SLC15A1: variants seen among roughly 807,000 people sequenced by gnomAD.
SLC15A1 encodes Caco-2 oligopeptide transporter.
A neutral mutation model predicts 92.9 loss-of-function variants in SLC15A1; 83 were observed. The observed-to-expected ratio is 0.89, with a 90% CI of 0.75 to 1.07. The LOEUF is 1.07. Among genes scored for constraint, SLC15A1 ranks in the 50% least tolerant of loss-of-function variants. The probability of loss-of-function intolerance (pLI) is 0.00; values close to 1 mark genes in which losing one functional copy is unlikely to be tolerated. For missense variants in SLC15A1, 857 were observed against 880.1 expected, an observed-to-expected ratio of 0.97 and a Z score of 0.33; for synonymous variants, 322 against 318.2, an observed-to-expected ratio of 1.01 and a Z score of -0.13.
intron 7 of SLC15A1, among the ~76,000 whole-genome samples, 172 bp from the exon 8 acceptor site, chr13:98,719,492 G>A (rs2088237273): frequency 6.6e-6 from 1 of 152,236 alleles, no homozygotes; most frequent in Non-Finnish European, 1.5e-5. Flanking sequence ...AGTGAAGCAG[G>A]AGGAGCAGGA....
chr13:98,704,542 T>C, intron 16 of SLC15A1, 107 bp from the exon 17 acceptor site: 5 of 1,191,852 alleles, frequency 4.2e-6, no homozygotes, highest in Non-Finnish European at 4.7e-6. Flanking sequence ...CAGGTTCATG[T>C]TCATAGATAC....
chr13:98,712,519 G>A lies in SLC15A1; in HGVS notation c.789C>T (p.Asp263=). The change falls in exon 10 of 23, where the codon GAC becomes GAT. Residue 263 remains aspartate, a synonymous_variant. Coordinates refer to ENST00000376503, the MANE Select transcript of SLC15A1 (RefSeq NM_005073.4). ...TTACATCGTATTTCTCTTTAGCCCAGTCCAGCCAGTGCTCCCTCTTGGGAA... is the reference window on the plus strand; with the variant it reads ...TTACATCGTATTTCTCTTTAGCCCAATCCAGCCAGTGCTCCCTCTTGGGAA... ...KAFPKREHWL[D]WAKEKYDERL... 1 of 1,611,998 alleles carries A rather than the reference G, an allele frequency of 6.2e-7. No individual in the cohort carries two copies. Among genetic ancestry groups the A allele is most frequent in the African/African-American group, 1.3e-5 (1 of 74,984 alleles).
chr13:98,723,781 C>T, intron 5 of SLC15A1, 131 bp downstream of exon 5: 2 of 1,262,008 alleles, frequency 1.6e-6, no homozygotes, highest in Non-Finnish European at 2.2e-6. Context: ...ACAGCCTTCT[C>T]CATGCTGCCC....
intron 9 of SLC15A1, among the ~76,000 whole-genome samples, chr13:98,714,653 C>CAAAAA (rs11378347): frequency 2.7e-4 from 25 of 94,042 alleles, no homozygotes; most frequent in Non-Finnish European, 3.1e-4. Flanking sequence ...GACTCCATCT[C>CAAAAA]AAAAAAAAAA....
intron 3 of SLC15A1, 30 bp downstream of exon 3, chr13:98,726,338 T>C (rs2139596106): frequency 6.2e-7 from 1 of 1,614,082 alleles, no homozygotes; most frequent in African/African-American, 1.3e-5. Flanking sequence ...CGCTCTTCCC[T>C]GAAGGGTGAG....
At chr13:98,688,802 T>C (rs545885001) in intron 18 of SLC15A1, among the ~76,000 whole-genome samples, 4 of 152,360 alleles carry the variant, frequency 2.6e-5, no homozygotes, top group South Asian at 4.1e-4. Flanking sequence ...AGTGTTTATA[T>C]GTGCTGGTTA....
intron 11 of SLC15A1, among the ~76,000 whole-genome samples, chr13:98,711,234 A>G (rs767604314): frequency 1.1e-4 from 16 of 152,180 alleles, no homozygotes; most frequent in Non-Finnish European, 1.9e-4. Context: ...ACCAGGATTG[A>G]TCTTTAAAAA....
At chr13:98,685,440 G>C (rs542936313) in intron 22 of SLC15A1, among the ~76,000 whole-genome samples, 1 of 152,218 alleles carries the variant, frequency 6.6e-6, no homozygotes, top group Non-Finnish European at 1.5e-5. Context: ...AGTGCAGAAG[G>C]AAAGAGTGTA....
chr13:98,737,426 G>A (rs1165192649), intron 1 of SLC15A1, among the ~76,000 whole-genome samples: 1 of 152,074 alleles, frequency 6.6e-6, no homozygotes, highest in Non-Finnish European at 1.5e-5. Flanking sequence ...AAACCAACAT[G>A]GCACATGTAT....
rs1349960578 is a variant in SLC15A1 at position 98,721,804 on chromosome 13, C to T, written c.465G>A (p.Gln155=). The T allele has an allele frequency of 1.2e-6, 2 of 1,613,932 alleles. No individual in the cohort carries two copies. The highest frequency in any genetic ancestry group is 8.5e-7 in the Non-Finnish European group (1 of 1,179,854). Residue 155 remains glutamine (Q), a splice_region_variant and synonymous_variant, in exon 6 of 23, where the codon CAG becomes CAA. Transcript: ENST00000376503. ...GCTCTGGGGAGGCCCCTACCCTTACCTGGCCCTCTTCAAACTGATCTCCAC... is the reference window on the plus strand; with the variant it reads ...GCTCTGGGGAGGCCCCTACCCTTACTTGGCCCTCTTCAAACTGATCTCCAC... The part of the protein sequence containing the change: ...AFGGDQFEEG[Q]EKQRNRFFSI...
At chr13:98,711,666 GT>G (rs1177300235) in intron 11 of SLC15A1, among the ~76,000 whole-genome samples, 187 bp downstream of exon 11, 1 of 27,580 alleles carries the variant, frequency 3.6e-5, no homozygotes, top group African/African-American at 1.4e-4. Context: ...ATTGCTTTTG[GT>G]TTTGTTTTGT....
chr13:98,709,930 T>C lies in SLC15A1; in HGVS notation c.901-19A>G. The C allele has an allele frequency of 6.2e-7, 1 of 1,613,712 alleles. No homozygotes were observed. Among genetic ancestry groups the C allele is most frequent in the Non-Finnish European group, 8.5e-7 (1 of 1,179,602 alleles). ...TGGAGCCCTTAAAAATGAATACATT[T>C]GCTGTATTATTTGGGGATGTGGGTT... On this transcript the variant is annotated intron_variant, in intron 11 of 22. Coordinates refer to ENST00000376503, the MANE Select transcript of SLC15A1 (RefSeq NM_005073.4).
At chr13:98,722,321 A>C (rs2088267376) in intron 5 of SLC15A1, among the ~76,000 whole-genome samples, 1 of 152,246 alleles carries the variant, frequency 6.6e-6, no homozygotes, top group African/African-American at 2.4e-5. Context: ...GCAAAGCGGA[A>C]TATCAGGTTA....
At chr13:98,749,979 A>G (rs557918767) in intron 1 of SLC15A1, among the ~76,000 whole-genome samples, 1 of 152,218 alleles carries the variant, frequency 6.6e-6, no homozygotes, top group East Asian at 1.9e-4. Context: ...CCTGGCCCCC[A>G]GGACCCGAAG....
intron 20 of SLC15A1, 106 bp downstream of exon 20, chr13:98,688,142 T>A (rs1277703450): frequency 4.0e-6 from 3 of 744,550 alleles, no homozygotes; most frequent in Middle Eastern, 3.7e-4. Flanking sequence ...AAAATACAGA[T>A]CCTAATATCA....
intron 5 of SLC15A1, 77 bp from the exon 6 acceptor site, chr13:98,721,980 C>T (rs2139592458): frequency 8.1e-7 from 1 of 1,228,202 alleles, no homozygotes; most frequent in East Asian, 2.4e-5. Flanking sequence ...CAGTTTCCCT[C>T]AGTGGGCCTG....
At position 98,684,886 on chromosome 13, in the gene SLC15A1, C is replaced by A; in HGVS notation, c.1965G>T (p.Leu655Phe). Reference sequence around the variant, plus strand: ...CAAAAATTACACAGACGACCAGAAGCAACGCGGCAAATAGAATGTACTCGG... The same window carrying A: ...CAAAAATTACACAGACGACCAGAAGAAACGCGGCAAATAGAATGTACTCGG... ...QWAEYILFAA[L>F]LLVVCVIFAI... The change falls in exon 23 of 23, where the codon TTG (leucine) becomes TTT (phenylalanine). Residue 655 changes from leucine (L) to phenylalanine (F), a missense_variant. Leu to Phe is a conservative substitution (Grantham distance 22). Coordinates refer to ENST00000376503, the MANE Select transcript of SLC15A1 (RefSeq NM_005073.4). The A allele has an allele frequency of 6.2e-7, 1 of 1,613,732 alleles. No homozygotes were observed. Among genetic ancestry groups the A allele is most frequent in the Non-Finnish European group, 8.5e-7 (1 of 1,179,776 alleles).
chr13:98,716,002 C>A (rs544212433), intron 8 of SLC15A1, 42 bp from the exon 9 acceptor site: 52 of 1,551,930 alleles, frequency 3.4e-5, no homozygotes, highest in Middle Eastern at 3.4e-4. Flanking sequence ...AGCATGTGAC[C>A]GAGCGCCCTG....
chr13:98,745,030 AC>A (rs1215070704), intron 1 of SLC15A1, among the ~76,000 whole-genome samples: 1 of 152,218 alleles, frequency 6.6e-6, no homozygotes, highest in African/African-American at 2.4e-5. Flanking sequence ...AAAGTGAAAC[AC>A]TGCACATGAA....
Sources: gnomAD v4.1 joint callset for allele counts (sites outside exome capture counted in the v4.1 genomes callset) on GRCh38, gnomAD v4.1.1 for gene constraint, MANE v1.5 for transcripts, NCBI Gene and HGNC (gene_info 2026-07-23, HGNC 2026-07-21) for gene names.